Variants in SAXO1 observed in about 807,000 individuals in gnomAD.
The protein encoded by SAXO1 is 4930500O09Rik.
Under a neutral mutation model 17.5 loss-of-function variants are expected in SAXO1, and 21 were observed. The observed-to-expected ratio is 1.20, with a 90% confidence interval of 0.85 to 1.72. The LOEUF is 1.72. Among genes scored for constraint, SAXO1 ranks in the 40% most tolerant of loss-of-function variants. SAXO1 has a pLI of 0.00. For synonymous variants in SAXO1, 274 were observed against 216.5 expected, an observed-to-expected ratio of 1.27 and a Z score of -2.33; for missense variants, 843 against 596.0, an observed-to-expected ratio of 1.41 and a Z score of -4.32.
intron 1 of SAXO1, among the ~76,000 whole-genome samples, chr9:18,989,556 GCA>G (rs56265752): frequency 0.53 from 78,787 of 149,070 alleles, 21,657 homozygotes; most frequent in Non-Finnish European, 0.63. Context: ...TAGCCATTAT[GCA>G]CACACACACA....
Position 18,928,334 on chromosome 9 carries a change from G to C in SAXO1, c.1143C>G (p.His381Gln). ...LTTTRAHYVP[H>Q]LPINTKSCKP... ...TACAGCTTTTGGTATTGATAGGCAG[G>C]TGGGGCACATAGTGGGCCCGAGTGG... The change falls in exon 4 of 4, where the codon CAC becomes CAG. Residue 381 changes from histidine (H) to glutamine (Q), a missense_variant. Physicochemically the swap from His to Gln is conservative, Grantham distance 24. Coordinates refer to ENST00000380534, the MANE Select transcript of SAXO1 (RefSeq NM_153707.4). The C allele has an allele frequency of 6.2e-7, 1 of 1,613,632 alleles. No homozygotes were observed. Among genetic ancestry groups the C allele is most frequent in the Non-Finnish European group, 8.5e-7 (1 of 1,179,798 alleles).
At chr9:19,032,068 A>G (rs1835798143) in intron 1 of SAXO1, among the ~76,000 whole-genome samples, 1 of 152,174 alleles carries the variant, frequency 6.6e-6, no homozygotes, top group Non-Finnish European at 1.5e-5. Context: ...TGAGGCGACT[A>G]TGACCTGGAG....
At chr9:18,983,630 TTA>T (rs1833482844) in intron 1 of SAXO1, among the ~76,000 whole-genome samples, 1 of 152,216 alleles carries the variant, frequency 6.6e-6, no homozygotes, top group African/African-American at 2.4e-5. Context: ...GTGCAGTAAT[TTA>T]TGTCTTCAGG....
chr9:18,986,731 C>G lies in SAXO1; in HGVS notation c.39-35794G>C, dbSNP rs73645557. Among the ~76,000 whole-genome samples, 3 of 152,288 alleles carry G rather than the reference C, an allele frequency of 2.0e-5. No homozygotes were observed. The South Asian group carries it at 6.2e-4, about 32-fold the overall frequency. On this transcript the variant is annotated intron_variant, in intron 1 of 3. Coordinates refer to ENST00000380534, the MANE Select transcript of SAXO1 (RefSeq NM_153707.4). ...ATAGTAGGAAGCAAGGGGGCAAAGA[C>G]TGTCACATACAGTTGTGCAGGTTGC...
At chr9:18,974,346 T>C (rs553569373) in intron 1 of SAXO1, among the ~76,000 whole-genome samples, 1 of 152,360 alleles carries the variant, frequency 6.6e-6, no homozygotes, top group Non-Finnish European at 1.5e-5. Context: ...TTCCATGTGT[T>C]TGTGTGTATT....
chr9:19,036,998 G>A (rs761277401), upstream of SAXO1, among the ~76,000 whole-genome samples: 37 of 152,194 alleles, frequency 2.4e-4, no homozygotes, highest in Non-Finnish European at 1.0e-4. Context: ...TTGCTTCAGC[G>A]TGACCTGGAT....
At chr9:19,015,782 T>C (rs1177377534) in intron 1 of SAXO1, among the ~76,000 whole-genome samples, 7 of 151,938 alleles carry the variant, frequency 4.6e-5, no homozygotes, top group African/African-American at 1.5e-4. Context: ...CCCAGACATA[T>C]CTCTTCTTTT....
intron 1 of SAXO1, among the ~76,000 whole-genome samples, chr9:19,002,879 G>A (rs1447157964): frequency 6.6e-6 from 1 of 152,180 alleles, no homozygotes; most frequent in Non-Finnish European, 1.5e-5. Context: ...GCATAGTATT[G>A]GAAGTTCTGC....
chr9:19,024,343 C>CA (rs1198286096), intron 1 of SAXO1, among the ~76,000 whole-genome samples: 1 of 150,514 alleles, frequency 6.6e-6, no homozygotes. Flanking sequence ...ATCGCAAGGA[C>CA]AAAAAACCAA....
intron 1 of SAXO1, among the ~76,000 whole-genome samples, chr9:19,018,745 T>C (rs940432831): frequency 6.6e-6 from 1 of 152,158 alleles, no homozygotes; most frequent in Non-Finnish European, 1.5e-5. Context: ...GCAGATTCAG[T>C]AGGAGCAGTG....
intron 1 of SAXO1, among the ~76,000 whole-genome samples, chr9:18,965,466 A>G (rs1356625420): frequency 6.6e-6 from 1 of 152,162 alleles, no homozygotes; most frequent in Non-Finnish European, 1.5e-5. Flanking sequence ...TAGGATAGTT[A>G]GCTCTTCTTG....
chr9:18,984,612 G>A (rs1291161468), intron 1 of SAXO1, among the ~76,000 whole-genome samples: 2 of 152,178 alleles, frequency 1.3e-5, no homozygotes, highest in Non-Finnish European at 2.9e-5. Flanking sequence ...TATTTCCTCT[G>A]CAGCTTCCTC....
intron 1 of SAXO1, among the ~76,000 whole-genome samples, chr9:18,967,388 G>A (rs1045772837): frequency 7.0e-6 from 1 of 142,128 alleles, no homozygotes; most frequent in Non-Finnish European, 1.5e-5. Context: ...GGAGATGGGA[G>A]TTTTATCTAT....
At chr9:18,961,672 C>G (rs1353886876) in intron 1 of SAXO1, among the ~76,000 whole-genome samples, 1 of 152,134 alleles carries the variant, frequency 6.6e-6, no homozygotes, top group Non-Finnish European at 1.5e-5. Flanking sequence ...TGAACTCGTA[C>G]TTTTTTATGG....
At chr9:18,953,385 G>A (rs1832117549) in intron 1 of SAXO1, among the ~76,000 whole-genome samples, 1 of 151,976 alleles carries the variant, frequency 6.6e-6, no homozygotes, top group South Asian at 2.1e-4. Context: ...AAATTTAATG[G>A]CAATATACTG....
chr9:18,949,899 G>A (rs1295383814), intron 2 of SAXO1, among the ~76,000 whole-genome samples: 7 of 152,172 alleles, frequency 4.6e-5, no homozygotes, highest in Admixed American at 4.6e-4. Context: ...CAGCAACCCT[G>A]CCCTTTAGGG....
intron 1 of SAXO1, among the ~76,000 whole-genome samples, chr9:19,007,514 C>T (rs1283822827): frequency 1.3e-5 from 2 of 152,102 alleles, no homozygotes; most frequent in African/African-American, 4.8e-5. Context: ...AGTCTGACTC[C>T]CTTCTTTTAG....
intron 1 of SAXO1, among the ~76,000 whole-genome samples, chr9:19,016,944 A>G (rs757274161): frequency 1.3e-5 from 2 of 151,210 alleles, no homozygotes; most frequent in South Asian, 4.2e-4. Flanking sequence ...ACAACCACCC[A>G]CCTTCCTCTG....
intron 1 of SAXO1, among the ~76,000 whole-genome samples, chr9:18,960,080 G>A (rs936224244): frequency 2.9e-4 from 44 of 152,198 alleles, no homozygotes; most frequent in African/African-American, 9.4e-4. Context: ...TATGTTCAGC[G>A]GCTACTGGAG....
Sources: allele counts gnomAD v4.1 joint callset (sites outside exome capture counted in the v4.1 genomes callset), GRCh38; gene constraint gnomAD v4.1.1; transcripts MANE v1.5; gene names NCBI Gene and HGNC (gene_info 2026-07-23, HGNC 2026-07-21).